PDE8A: variants seen among roughly 807,000 people sequenced by gnomAD.
The protein encoded by PDE8A is phosphodiesterase 8A.
A neutral mutation model predicts 105.0 loss-of-function variants in PDE8A; 59 were observed. That is an observed-to-expected ratio of 0.56 (90% CI 0.46 to 0.70). PDE8A has a LOEUF of 0.70. Ranked by LOEUF, PDE8A falls within the 30% of genes least tolerant of loss-of-function variation. The pLI, the probability that PDE8A is intolerant of heterozygous loss-of-function variation, is 0.00. For synonymous variants in PDE8A, 355 were observed against 371.9 expected (o/e 0.95, Z 0.52); for missense variants, 1,014 against 1,045.9 (o/e 0.97, Z 0.42).
chr15:85,105,408 C>T (rs776312107), intron 11 of PDE8A, among the ~76,000 whole-genome samples: 8 of 152,026 alleles, frequency 5.3e-5, no homozygotes, highest in African/African-American at 1.2e-4. Flanking sequence ...GCTGTGGTCC[C>T]GGCAGAATGA....
intron 2 of PDE8A, among the ~76,000 whole-genome samples, chr15:85,064,807 A>G (rs1026010151): frequency 6.6e-6 from 1 of 151,854 alleles, no homozygotes; most frequent in Non-Finnish European, 1.5e-5. Flanking sequence ...TTCTGCAACA[A>G]CAGCAACAAT....
At chr15:85,002,302 A>C (rs1039331783) in intron 1 of PDE8A, among the ~76,000 whole-genome samples, 6 of 152,138 alleles carry the variant, frequency 3.9e-5, no homozygotes, top group African/African-American at 1.4e-4. Flanking sequence ...GATTTGCTAG[A>C]CTGGCTCACA....
At chr15:85,052,585 A>AT (rs1567251491) in intron 1 of PDE8A, among the ~76,000 whole-genome samples, 1 of 152,100 alleles carries the variant, frequency 6.6e-6, no homozygotes, top group East Asian at 1.9e-4. Flanking sequence ...GATGATGAGC[A>AT]TTTTTTCATG....
At chr15:84,994,430 A>G (rs2079941699) in intron 1 of PDE8A, among the ~76,000 whole-genome samples, 1 of 152,238 alleles carries the variant, frequency 6.6e-6, no homozygotes, top group African/African-American at 2.4e-5. Flanking sequence ...CAGCCAAATC[A>G]AGACAGAACA....
chr15:84,989,044 T>C (rs1170736618), intron 1 of PDE8A, among the ~76,000 whole-genome samples: 2 of 152,160 alleles, frequency 1.3e-5, no homozygotes, highest in Non-Finnish European at 2.9e-5. Context: ...ATCTGTGGGG[T>C]GATTAGTAAA....
In PDE8A at chr15:84,982,039, C is replaced by A. The variant is rs886790214; in HGVS notation, c.-124C>A. ...GCCGCGTTTCCTGACGCGAGATCCG[C>A]GCTCGCCGCCGCCCGCCCAGGCGGC... is the stretch of plus-strand genomic sequence containing the variant. On this transcript the variant is annotated 5_prime_UTR_variant, in exon 1 of 22. Coordinates refer to ENST00000394553, the MANE Select transcript of PDE8A (RefSeq NM_002605.3). The A allele has an allele frequency of 4.4e-6, 2 of 455,180 alleles. No individual in the cohort carries two copies. Among genetic ancestry groups the A allele is most frequent in the African/African-American group, 4.2e-5 (2 of 48,062 alleles). The allele number at this position is 455,180 out of a possible 1,614,324, so 28.2% of individuals were successfully genotyped here.
chr15:84,995,468 C>T (rs1366011862), intron 1 of PDE8A, among the ~76,000 whole-genome samples: 5 of 152,084 alleles, frequency 3.3e-5, no homozygotes, highest in African/African-American at 9.7e-5. Flanking sequence ...CAGGTACGCA[C>T]CACCACTCCT....
chr15:85,121,048 T>C (rs749195847), intron 18 of PDE8A, 34 bp downstream of exon 18: 17 of 1,332,180 alleles, frequency 1.3e-5, no homozygotes, highest in Non-Finnish European at 1.8e-5. Context: ...TGTTGATCCC[T>C]CTCTTTCTTT....
intron 8 of PDE8A, among the ~76,000 whole-genome samples, chr15:85,095,790 T>C (rs993642760): frequency 2.0e-5 from 3 of 151,908 alleles, no homozygotes; most frequent in African/African-American, 4.8e-5. Flanking sequence ...TTGCCTGGAA[T>C]GGCCTGTTAG....
chr15:85,021,628 A>C (rs1293428631), intron 1 of PDE8A, among the ~76,000 whole-genome samples: 1 of 152,160 alleles, frequency 6.6e-6, no homozygotes, highest in Non-Finnish European at 1.5e-5. Flanking sequence ...ACAACAGCAG[A>C]AGAAAAAAAA....
chr15:85,047,590 C>T (rs1054504225), intron 1 of PDE8A, among the ~76,000 whole-genome samples: 5 of 152,160 alleles, frequency 3.3e-5, no homozygotes, highest in East Asian at 1.9e-4. Context: ...AAAATTTTTA[C>T]GTGGCAAAAT....
intron 2 of PDE8A, 51 bp from the exon 3 acceptor site, chr15:85,066,963 A>G (rs751680653): frequency 1.5e-6 from 2 of 1,338,248 alleles, no homozygotes; most frequent in South Asian, 1.3e-5. Context: ...GTAAGAAATG[A>G]CAATTCTAAC....
chr15:85,049,806 T>C (rs2080943861), intron 1 of PDE8A, among the ~76,000 whole-genome samples: 2 of 152,266 alleles, frequency 1.3e-5, no homozygotes, highest in African/African-American at 4.8e-5. Context: ...CATACAGATA[T>C]CTGTCTGAAT....
intron 1 of PDE8A, among the ~76,000 whole-genome samples, chr15:84,992,434 T>TAA (rs1014147295): frequency 1.3e-5 from 2 of 152,192 alleles, no homozygotes; most frequent in Non-Finnish European, 2.9e-5. Flanking sequence ...ACGGGAGGTC[T>TAA]AAAAGCCAGG....
intron 1 of PDE8A, among the ~76,000 whole-genome samples, chr15:84,987,558 G>A (rs939793065): frequency 7.8e-5 from 11 of 140,690 alleles, no homozygotes; most frequent in African/African-American, 2.4e-4. Flanking sequence ...CACAACCTCC[G>A]CCTCCCGGGT....
At chr15:85,104,071 G>A (rs944767719) in intron 11 of PDE8A, among the ~76,000 whole-genome samples, 9 of 152,218 alleles carry the variant, frequency 5.9e-5, no homozygotes, top group Admixed American at 1.3e-4. Context: ...CCCATGTGTT[G>A]TTTTCACGTG....
intron 1 of PDE8A, among the ~76,000 whole-genome samples, chr15:85,030,954 C>T (rs2080605194): frequency 6.6e-6 from 1 of 152,158 alleles, no homozygotes; most frequent in Admixed American, 6.6e-5. Flanking sequence ...CTATATTTAG[C>T]TTCTGGAAGA....
intron 1 of PDE8A, among the ~76,000 whole-genome samples, chr15:84,983,483 G>C (rs1356957598): frequency 6.6e-6 from 1 of 152,216 alleles, no homozygotes; most frequent in Non-Finnish European, 1.5e-5. Context: ...TACGAAAGGG[G>C]AAAGTCTTTT....
At chr15:85,033,211 G>A (rs1034687285) in intron 1 of PDE8A, among the ~76,000 whole-genome samples, 1 of 152,112 alleles carries the variant, frequency 6.6e-6, no homozygotes, top group Non-Finnish European at 1.5e-5. Context: ...CCAACGTAAG[G>A]GACACACCCT....
Sources: gnomAD v4.1 joint callset for allele counts (sites outside exome capture counted in the v4.1 genomes callset) on GRCh38, gnomAD v4.1.1 for gene constraint, MANE v1.5 for transcripts, NCBI Gene and HGNC (gene_info 2026-07-23, HGNC 2026-07-21) for gene names.